The following LRRTM4 variants were observed in gnomAD, a reference collection of about 807,000 sequenced individuals.
The protein encoded by LRRTM4 is leucine-rich repeat transmembrane neuronal protein 4.
Under a neutral mutation model 47.6 loss-of-function variants are expected in LRRTM4, and 25 were observed. The observed-to-expected ratio is 0.53, with a 90% confidence interval of 0.38 to 0.73. The LOEUF is 0.73. Among genes scored for constraint, LRRTM4 ranks in the 30% least tolerant of loss-of-function variants. LRRTM4 has a pLI of 0.00. For missense variants in LRRTM4, 638 were observed against 713.4 expected (o/e 0.89, Z 1.20); for synonymous variants, 311 against 269.5 (o/e 1.15, Z -1.51).
Position 76,864,783 on chromosome 2 carries a change from G to A in LRRTM4, c.1552-115867C>T, listed in dbSNP as rs368253151. On this transcript the variant is annotated intron_variant, in intron 3 of 3. Coordinates refer to ENST00000409884, the MANE Select transcript of LRRTM4 (RefSeq NM_001134745.3). Reference sequence around the variant, plus strand: ...TTTCTGTTGCCCAGGCTGGAGTGCAGTGGGGCAATCAAGGCTCACTGCAGC... The same window carrying A: ...TTTCTGTTGCCCAGGCTGGAGTGCAATGGGGCAATCAAGGCTCACTGCAGC... Among the ~76,000 whole-genome samples, 17 of 151,516 alleles carry A rather than the reference G, an allele frequency of 1.1e-4. No individual in the cohort carries two copies. In the South Asian group the frequency reaches 3.3e-3, roughly 30 times the overall value.
chr2:77,462,964 A>C (rs1384043092), intron 3 of LRRTM4, among the ~76,000 whole-genome samples: 1 of 152,060 alleles, frequency 6.6e-6, no homozygotes. Flanking sequence ...CTAAAGAGCC[A>C]GGGAGAATTA....
In LRRTM4 at chr2:77,092,038, G is replaced by A. The variant is rs556674685; in HGVS notation, c.1552-343122C>T. ...ATGTCTGCGTGCAGCGGCTGCCACTGCTTTAATACTTTTAAAGGCCCTCAA... is the reference window on the plus strand; with the variant it reads ...ATGTCTGCGTGCAGCGGCTGCCACTACTTTAATACTTTTAAAGGCCCTCAA... On this transcript the variant is annotated intron_variant, in intron 3 of 3. Coordinates refer to ENST00000409884, the MANE Select transcript of LRRTM4 (RefSeq NM_001134745.3). Among the ~76,000 whole-genome samples, 304 of 152,192 alleles carry A rather than the reference G, an allele frequency of 2.0e-3. 1 individual carries two copies. Among genetic ancestry groups the A allele is most frequent in the Non-Finnish European group, 3.0e-3 (205 of 68,020 alleles).
chr2:77,410,238 A>G (rs1183828406), intron 3 of LRRTM4, among the ~76,000 whole-genome samples: 1 of 152,178 alleles, frequency 6.6e-6, no homozygotes, highest in African/African-American at 2.4e-5. Context: ...AAAGAGAACC[A>G]CCAGAAACTT....
intron 3 of LRRTM4, among the ~76,000 whole-genome samples, chr2:77,136,414 G>T (rs1671944369): frequency 6.6e-6 from 1 of 152,142 alleles, no homozygotes; most frequent in South Asian, 2.1e-4. Context: ...GCATCTGAGG[G>T]TCATGACTGT....
chr2:77,461,148 A>AGG (rs1235981355), intron 3 of LRRTM4, among the ~76,000 whole-genome samples: 1 of 151,464 alleles, frequency 6.6e-6, no homozygotes, highest in Non-Finnish European at 1.5e-5. Flanking sequence ...TGAGAGAGAG[A>AGG]GAGAGAGAGA....
At chr2:77,138,175 C>A (rs1333530648) in intron 3 of LRRTM4, among the ~76,000 whole-genome samples, 1 of 152,100 alleles carries the variant, frequency 6.6e-6, no homozygotes, top group Non-Finnish European at 1.5e-5. Context: ...AATATACATT[C>A]TTCTCAGCAC....
chr2:77,249,783 T>A (rs903504861), intron 3 of LRRTM4, among the ~76,000 whole-genome samples: 1 of 152,178 alleles, frequency 6.6e-6, no homozygotes, highest in African/African-American at 2.4e-5. Context: ...CTAACATACT[T>A]TTACCATATG....
chr2:77,120,551 T>C (rs1671498182), intron 3 of LRRTM4, among the ~76,000 whole-genome samples: 1 of 151,828 alleles, frequency 6.6e-6, no homozygotes, highest in South Asian at 2.1e-4. Flanking sequence ...ATAAGCTACA[T>C]AAGGTTTTCA....
intron 3 of LRRTM4, among the ~76,000 whole-genome samples, chr2:77,079,144 A>G (rs1198749010): frequency 6.6e-6 from 1 of 152,230 alleles, no homozygotes; most frequent in Non-Finnish European, 1.5e-5. Context: ...CAAAGACACT[A>G]CAAGTAAAAA....
chr2:76,889,225 T>C (rs1258922548), intron 3 of LRRTM4, among the ~76,000 whole-genome samples: 1 of 151,982 alleles, frequency 6.6e-6, no homozygotes, highest in African/African-American at 2.4e-5. Flanking sequence ...ATTTTACTCA[T>C]CTGTTTATAC....
intron 3 of LRRTM4, among the ~76,000 whole-genome samples, chr2:77,321,714 T>C (rs1677798005): frequency 6.6e-6 from 1 of 152,112 alleles, no homozygotes; most frequent in African/African-American, 2.4e-5. Flanking sequence ...GAATTTAACA[T>C]TAGCAGGAAA....
chr2:77,188,252 A>G (rs377628764), intron 3 of LRRTM4, among the ~76,000 whole-genome samples: 1 of 152,072 alleles, frequency 6.6e-6, no homozygotes, highest in South Asian at 2.1e-4. Context: ...CTTGTTTTCT[A>G]CTCCACCTTT....
chr2:76,994,237 C>G (rs977573896), intron 3 of LRRTM4, among the ~76,000 whole-genome samples: 7 of 151,772 alleles, frequency 4.6e-5, no homozygotes, highest in Admixed American at 2.0e-4. Flanking sequence ...CGTAACAAAC[C>G]TGCACATGTA....
intron 3 of LRRTM4, among the ~76,000 whole-genome samples, chr2:76,768,820 C>G (rs917704937): frequency 6.6e-6 from 1 of 152,130 alleles, no homozygotes; most frequent in Non-Finnish European, 1.5e-5. Flanking sequence ...TCTGATTCCT[C>G]CTGCATGAAA....
chr2:77,310,415 A>G (rs1183243915), intron 3 of LRRTM4, among the ~76,000 whole-genome samples: 1 of 152,144 alleles, frequency 6.6e-6, no homozygotes, highest in African/African-American at 2.4e-5. Context: ...ATTGGTTGTA[A>G]CAGCTGAATT....
chr2:76,965,798 T>C (rs374232085), intron 3 of LRRTM4, among the ~76,000 whole-genome samples: 5 of 151,430 alleles, frequency 3.3e-5, no homozygotes, highest in African/African-American at 1.2e-4. Context: ...ATGTCACAAT[T>C]ACATAAGTTA....
At chr2:76,873,506 G>GTGTGTA (rs367573475) in intron 3 of LRRTM4, among the ~76,000 whole-genome samples, 2 of 112,312 alleles carry the variant, frequency 1.8e-5, no homozygotes, top group African/African-American at 6.5e-5. Flanking sequence ...ATATATGTGT[G>GTGTGTA]TATATATATA....
At chr2:76,998,884 G>A (rs1677306863) in intron 3 of LRRTM4, among the ~76,000 whole-genome samples, 1 of 151,134 alleles carries the variant, frequency 6.6e-6, no homozygotes, top group East Asian at 2.0e-4. Flanking sequence ...CTGAACTGCA[G>A]CAAAATCAAT....
intron 3 of LRRTM4, among the ~76,000 whole-genome samples, chr2:76,784,366 A>G (rs1048828262): frequency 6.6e-6 from 1 of 152,084 alleles, no homozygotes; most frequent in Non-Finnish European, 1.5e-5. Flanking sequence ...AATGGGTGCA[A>G]GATTGCTATA....
Sources: allele counts gnomAD v4.1 joint callset (sites outside exome capture counted in the v4.1 genomes callset), GRCh38; gene constraint gnomAD v4.1.1; transcripts MANE v1.5; gene names NCBI Gene and HGNC (gene_info 2026-07-23, HGNC 2026-07-21).